The following HIVEP3 variants were observed in gnomAD, a reference collection of about 807,000 sequenced individuals.
HIVEP3 encodes the protein transcription factor HIVEP3.
Under a neutral mutation model 152.8 loss-of-function variants are expected in HIVEP3, and 49 were observed. The ratio of observed to expected loss-of-function variants is 0.32; its 90% CI spans 0.26 to 0.41. The LOEUF is 0.41. Among genes scored for constraint, HIVEP3 ranks in the 10% least tolerant of loss-of-function variants. The probability of loss-of-function intolerance (pLI) is 1.00; values close to 1 mark genes in which losing one functional copy is unlikely to be tolerated. For synonymous variants in HIVEP3, 1,269 were observed against 1,289.0 expected, an observed-to-expected ratio of 0.98 and a Z score of 0.33; for missense variants, 2,790 against 3,103.3, an observed-to-expected ratio of 0.90 and a Z score of 2.40.
At chr1:41,742,235 C>T (rs527595268) in intron 1 of HIVEP3, among the ~76,000 whole-genome samples, 5 of 152,120 alleles carry the variant, frequency 3.3e-5, no homozygotes, top group East Asian at 1.9e-4. Context: ...TCTGTCCAAC[C>T]GTCTATCCAT....
intron 1 of HIVEP3, among the ~76,000 whole-genome samples, chr1:41,969,539 C>T (rs1040110989): frequency 3.9e-5 from 6 of 152,138 alleles, no homozygotes; most frequent in African/African-American, 1.4e-4. Context: ...ACTCCTTATA[C>T]CTTATACAAA....
At chr1:41,846,912 C>A (rs1435051929) in intron 1 of HIVEP3, among the ~76,000 whole-genome samples, 1 of 152,312 alleles carries the variant, frequency 6.6e-6, no homozygotes, top group Admixed American at 6.5e-5. Flanking sequence ...CCCAAAGAGA[C>A]AACACCACTC....
chr1:41,656,657 T>A lies in HIVEP3; in HGVS notation c.-720-27710A>T, dbSNP rs138840264. 5.2e-3 allele frequency among the ~76,000 whole-genome samples: 796 copies of A among 151,862 alleles called. 10 individuals are homozygous for A. Among genetic ancestry groups the A allele is most frequent in the African/African-American group, 0.018 (756 of 41,450 alleles). ...GAGCCAGACAGAAAGGAAACGGGGG[T>A]TGCATTTGTTCAGAGCCAGGTACTT... On this transcript the variant is annotated intron_variant, in intron 2 of 8. Transcript: ENST00000372583.
Position 41,579,791 on chromosome 1 carries a change from A to T in HIVEP3, c.5007T>A (p.His1669Gln). 6.2e-7 allele frequency: 1 copy of T among 1,607,702 alleles called. No individual in the cohort carries two copies. Among genetic ancestry groups the T allele is most frequent in the Non-Finnish European group, 8.5e-7 (1 of 1,175,042 alleles). The change falls in exon 4 of 9, where the codon CAT becomes CAA. Residue 1669 changes from histidine to glutamine, a missense_variant. His to Gln is a conservative substitution (Grantham distance 24, BLOSUM62 0). Around this residue, in one of 9 missense-constraint regions of HIVEP3, gnomAD observed 1,078 missense variants for 1,165.3 expected, o/e 0.93. Coordinates refer to ENST00000372583, the MANE Select transcript of HIVEP3 (RefSeq NM_024503.5). ...KETYTMATAP[H>Q]PEAGRLVPSS... ...ATGGCACAAGCCTTCCTGCCTCAGG[A>T]TGCGGAGCTGTGGCCATGGTGTATG... is the stretch of plus-strand genomic sequence containing the variant.
chr1:41,820,570 T>C (rs1642566009), intron 1 of HIVEP3, among the ~76,000 whole-genome samples: 1 of 152,228 alleles, frequency 6.6e-6, no homozygotes, highest in South Asian at 2.1e-4. Context: ...TGTAGTTATT[T>C]CAGCTTTCTT....
chr1:41,976,304 T>C (rs1175883209), intron 1 of HIVEP3, among the ~76,000 whole-genome samples: 2 of 152,054 alleles, frequency 1.3e-5, no homozygotes, highest in Non-Finnish European at 2.9e-5. Flanking sequence ...TGAGACGGAG[T>C]ACTTTCAGGC....
chr1:41,658,008 A>G (rs901436048), intron 2 of HIVEP3, among the ~76,000 whole-genome samples: 3 of 152,152 alleles, frequency 2.0e-5, no homozygotes, highest in Non-Finnish European at 2.9e-5. Context: ...TGATCAGACA[A>G]TCAGGGTGGA....
At chr1:41,984,417 T>C (rs1279996129) in intron 1 of HIVEP3, among the ~76,000 whole-genome samples, 1 of 152,054 alleles carries the variant, frequency 6.6e-6, no homozygotes, top group Non-Finnish European at 1.5e-5. Flanking sequence ...AAAAAAGAGA[T>C]TGAAACTGTC....
At chr1:41,643,830 A>T (rs1645414918) in intron 2 of HIVEP3, among the ~76,000 whole-genome samples, 1 of 143,496 alleles carries the variant, frequency 7.0e-6, no homozygotes, top group African/African-American at 2.6e-5. Flanking sequence ...CCATGTTGTT[A>T]CCTTCCCCTC....
intron 1 of HIVEP3, among the ~76,000 whole-genome samples, chr1:41,815,043 G>A (rs187905759): frequency 4.6e-5 from 7 of 152,322 alleles, no homozygotes; most frequent in Admixed American, 3.9e-4. Flanking sequence ...TAAATAAGAT[G>A]GTTCAGGTAA....
chr1:41,580,778 C>A lies in HIVEP3; in HGVS notation c.4020G>T (p.Gln1340His). The change falls in exon 4 of 9, where the codon CAG becomes CAT. Residue 1340 changes from glutamine to histidine, a missense_variant. By Grantham distance (24) the Gln-to-His change is conservative. This residue lies in a region of HIVEP3 where 1,078 missense variants were observed against 1,165.3 expected (regional missense o/e 0.93). Transcript: ENST00000372583. ...YGSAMYTTLS[Q>H]ILVTQSQGSS... is the part of the protein sequence containing the mutation. ...TGCCTTGGGACTGGGTGACCAAGAT[C>A]TGGGAAAGGGTGGTGTACATTGCGC... The A allele has an allele frequency of 6.3e-7, 1 of 1,578,532 alleles. No individual in the cohort carries two copies. Among genetic ancestry groups the A allele is most frequent in the Non-Finnish European group, 8.6e-7 (1 of 1,163,052 alleles).
At chr1:41,711,165 C>G (rs1284989534) in intron 1 of HIVEP3, among the ~76,000 whole-genome samples, 1 of 152,228 alleles carries the variant, frequency 6.6e-6, no homozygotes, top group Non-Finnish European at 1.5e-5. Flanking sequence ...CCTGGCTTCT[C>G]TCAATTAGTA....
intron 5 of HIVEP3, among the ~76,000 whole-genome samples, chr1:41,571,095 T>A (rs6683715): frequency 0.1 from 15,368 of 151,936 alleles, 1,011 homozygotes; most frequent in East Asian, 0.22. Context: ...AGCAGCTGAG[T>A]CCTGCAGCAC....
intron 1 of HIVEP3, among the ~76,000 whole-genome samples, chr1:42,024,800 G>C (rs1000617585): frequency 6.6e-6 from 1 of 152,174 alleles, no homozygotes; most frequent in Non-Finnish European, 1.5e-5. Context: ...CACTAAAGTG[G>C]TGGCAAACTC....
intron 1 of HIVEP3, among the ~76,000 whole-genome samples, chr1:42,031,254 C>T (rs1296083339): frequency 6.6e-6 from 1 of 152,184 alleles, no homozygotes; most frequent in Non-Finnish European, 1.5e-5. Flanking sequence ...TTCCAGACTG[C>T]TCTGCTGAAC....
chr1:41,872,963 A>G (rs371089647), intron 1 of HIVEP3, among the ~76,000 whole-genome samples: 14 of 152,376 alleles, frequency 9.2e-5, no homozygotes, highest in African/African-American at 3.4e-4. Context: ...TTTCTAGGAA[A>G]ATGCCAGATT....
intron 1 of HIVEP3, among the ~76,000 whole-genome samples, chr1:41,942,410 T>G (rs1361476365): frequency 6.6e-6 from 1 of 152,192 alleles, no homozygotes; most frequent in Non-Finnish European, 1.5e-5. Context: ...AGAACTACAC[T>G]AACACATCAT....
At chr1:42,020,357 G>A (rs61630597) in intron 1 of HIVEP3, among the ~76,000 whole-genome samples, 1,710 of 152,106 alleles carry the variant, frequency 0.011, 26 homozygotes, top group African/African-American at 0.038. Context: ...TGTTTGATGC[G>A]AAGGTCTTTA....
intron 1 of HIVEP3, among the ~76,000 whole-genome samples, chr1:42,032,745 G>A (rs1645620120): frequency 6.6e-6 from 1 of 151,966 alleles, no homozygotes. Context: ...GCCTTCCAGG[G>A]TCCATTCCTT....
Sources: allele counts gnomAD v4.1 joint callset (sites outside exome capture counted in the v4.1 genomes callset), GRCh38; gene constraint gnomAD v4.1.1; regional missense constraint gnomAD v4.1.1; transcripts MANE v1.5; gene names NCBI Gene and HGNC (gene_info 2026-07-23, HGNC 2026-07-21).